LIMCH1: variants seen among roughly 807,000 people sequenced by gnomAD.
LIMCH1 encodes the protein LIM and calponin homology domains-containing protein 1.
A neutral mutation model predicts 176.5 loss-of-function variants in LIMCH1; 113 were observed. The observed-to-expected ratio is 0.64, with a 90% confidence interval of 0.55 to 0.75. The LOEUF is 0.75. Ranked by LOEUF, LIMCH1 falls within the 30% of genes least tolerant of loss-of-function variation. LIMCH1 has a pLI of 0.00. For synonymous variants in LIMCH1, 619 were observed against 645.9 expected (o/e 0.96, Z 0.63); for missense variants, 1,674 against 1,814.9 (o/e 0.92, Z 1.41).
intron 1 of LIMCH1, among the ~76,000 whole-genome samples, chr4:41,461,470 A>C (rs2065363947): frequency 6.6e-6 from 1 of 152,228 alleles, no homozygotes. Flanking sequence ...AAAACATAAA[A>C]TTATAGATGG....
At chr4:41,378,815 T>G (rs2055178321) in intron 1 of LIMCH1, among the ~76,000 whole-genome samples, 1 of 152,184 alleles carries the variant, frequency 6.6e-6, no homozygotes, top group Non-Finnish European at 1.5e-5. Context: ...TAGTAGGATT[T>G]GTTTTGTTCT....
At chr4:41,428,308 G>T (rs1162580746) in intron 1 of LIMCH1, among the ~76,000 whole-genome samples, 1 of 152,108 alleles carries the variant, frequency 6.6e-6, no homozygotes, top group Non-Finnish European at 1.5e-5. Context: ...CTGTATAATG[G>T]TAATAATAGT....
intron 9 of LIMCH1, among the ~76,000 whole-genome samples, chr4:41,630,944 T>G (rs2093286832): frequency 6.6e-6 from 1 of 152,234 alleles, no homozygotes; most frequent in Non-Finnish European, 1.5e-5. Context: ...GCACGGCAAA[T>G]TCAAGTTTTG....
At chr4:41,382,346 A>G (rs913625017) in intron 1 of LIMCH1, among the ~76,000 whole-genome samples, 1 of 151,502 alleles carries the variant, frequency 6.6e-6, no homozygotes, top group African/African-American at 2.4e-5. Flanking sequence ...ATCCGTGGAG[A>G]ATTTAGGTGC....
intron 20 of LIMCH1, 28 bp from the exon 21 acceptor site, chr4:41,666,530 GCAA>G: frequency 1.4e-6 from 2 of 1,408,708 alleles, no homozygotes; most frequent in Non-Finnish European, 2.0e-6. Flanking sequence ...GACAGTTCTT[GCAA>G]TATTTATACC....
intron 20 of LIMCH1, among the ~76,000 whole-genome samples, chr4:41,665,368 G>A (rs2094786755): frequency 6.6e-6 from 1 of 152,124 alleles, no homozygotes; most frequent in African/African-American, 2.4e-5. Context: ...GTCAGCTTTG[G>A]GAAGGCTAGA....
At chr4:41,477,020 T>C (rs980220441) in intron 1 of LIMCH1, among the ~76,000 whole-genome samples, 6 of 152,190 alleles carry the variant, frequency 3.9e-5, no homozygotes, top group African/African-American at 1.4e-4. Context: ...AGTCTGATCT[T>C]TCTTTGCAAC....
intron 1 of LIMCH1, among the ~76,000 whole-genome samples, chr4:41,412,183 C>G (rs2059554904): frequency 6.6e-6 from 1 of 152,078 alleles, no homozygotes; most frequent in Non-Finnish European, 1.5e-5. Context: ...TGCAGCTGAG[C>G]AGCAATTTAT....
intron 1 of LIMCH1, among the ~76,000 whole-genome samples, chr4:41,556,395 CAAA>C (rs71198668): frequency 6.0e-5 from 5 of 83,932 alleles, no homozygotes; most frequent in Non-Finnish European, 1.0e-4. Flanking sequence ...AACTCTATCT[CAAA>C]AAAAAAAAAA....
At chr4:41,569,472 G>GA (rs1379149901) in intron 1 of LIMCH1, among the ~76,000 whole-genome samples, 2 of 152,162 alleles carry the variant, frequency 1.3e-5, no homozygotes, top group Non-Finnish European at 2.9e-5. Flanking sequence ...CAAGAGGGCA[G>GA]AAAAATGCCC....
At chr4:41,512,097 G>A (rs2074998135) in intron 2 of LIMCH1, among the ~76,000 whole-genome samples, 1 of 152,036 alleles carries the variant, frequency 6.6e-6, no homozygotes, top group African/African-American at 2.4e-5. Context: ...CAAAATATCG[G>A]AATAGACACT....
chr4:41,650,920 T>A (rs563286014), intron 18 of LIMCH1, among the ~76,000 whole-genome samples: 10 of 152,344 alleles, frequency 6.6e-5, no homozygotes, highest in African/African-American at 2.4e-4. Context: ...CCTGGGCTTA[T>A]GGATGTGTCA....
In LIMCH1 at chr4:41,696,384, T is replaced by A. The variant is rs1261445014; in HGVS notation, c.4379-776T>A. The stretch of plus-strand genomic sequence containing the variant: ...CCTGGGGTCTTTTCAAATGTTGCAA[T>A]TGCCTCATCACAACTGTAGTGCCTA... On this transcript the variant is annotated intron_variant, in intron 31 of 31. Coordinates refer to ENST00000503057, the MANE Select transcript of LIMCH1 (RefSeq NM_001330672.2). Among the ~76,000 whole-genome samples, 11 of 152,244 alleles carry A rather than the reference T, an allele frequency of 7.2e-5. No individual in the cohort carries two copies. In the East Asian group the frequency reaches 1.9e-3, roughly 27 times the overall value.
At chr4:41,424,642 A>G (rs2060911340) in intron 1 of LIMCH1, among the ~76,000 whole-genome samples, 2 of 152,232 alleles carry the variant, frequency 1.3e-5, no homozygotes, top group African/African-American at 2.4e-5. Flanking sequence ...AAGACAATGC[A>G]GCTGCAAGTC....
At chr4:41,629,153 C>T (rs2093164705) in intron 8 of LIMCH1, among the ~76,000 whole-genome samples, 1 of 152,176 alleles carries the variant, frequency 6.6e-6, no homozygotes. Flanking sequence ...ATTACAGTAA[C>T]TTGAATAGTG....
chr4:41,637,035 C>T (rs1298728937), intron 13 of LIMCH1, among the ~76,000 whole-genome samples: 1 of 152,182 alleles, frequency 6.6e-6, no homozygotes, highest in African/African-American at 2.4e-5. Context: ...TCTTGATTAA[C>T]CATCCATTGG....
intron 1 of LIMCH1, among the ~76,000 whole-genome samples, chr4:41,563,370 T>C (rs2082307513): frequency 6.6e-6 from 1 of 152,182 alleles, no homozygotes; most frequent in African/African-American, 2.4e-5. Flanking sequence ...ACTCTAGGTA[T>C]GTTATTCTCT....
chr4:41,476,777 A>G (rs1337165398), intron 1 of LIMCH1, among the ~76,000 whole-genome samples: 1 of 152,210 alleles, frequency 6.6e-6, no homozygotes, highest in Non-Finnish European at 1.5e-5. Flanking sequence ...AGTTGTATAT[A>G]GGATTATTTC....
At chr4:41,665,805 A>G (rs2094802343) in intron 20 of LIMCH1, among the ~76,000 whole-genome samples, 1 of 152,222 alleles carries the variant, frequency 6.6e-6, no homozygotes. Flanking sequence ...AGAAGCAACA[A>G]ACCAGAAGAA....
Sources: allele counts gnomAD v4.1 joint callset (sites outside exome capture counted in the v4.1 genomes callset), GRCh38; gene constraint gnomAD v4.1.1; transcripts MANE v1.5; gene names NCBI Gene and HGNC (gene_info 2026-07-23, HGNC 2026-07-21).